RBFOX1: variants seen among roughly 807,000 people sequenced by gnomAD.
RBFOX1 encodes the protein RNA binding protein fox-1 homolog 1.
In RBFOX1, 8 loss-of-function variants were observed where a neutral mutation model predicts 57.7. The ratio of observed to expected loss-of-function variants is 0.14; its 90% CI spans 0.08 to 0.25. The LOEUF is 0.25. Ranked by LOEUF, RBFOX1 falls within the 10% of genes least tolerant of loss-of-function variation. The pLI, the probability that RBFOX1 is intolerant of heterozygous loss-of-function variation, is 1.00. For missense variants in RBFOX1, 611 were observed against 548.5 expected (o/e 1.11, Z -1.14); for synonymous variants, 326 against 222.4 (o/e 1.47, Z -4.15).
At chr16:5,845,486 G>C (rs1416600477) in intron 3 of RBFOX1, among the ~76,000 whole-genome samples, 1 of 152,192 alleles carries the variant, frequency 6.6e-6, no homozygotes, top group Admixed American at 6.5e-5. Context: ...CCAGCTGTTT[G>C]CTTCTGGAGA....
intron 2 of RBFOX1, among the ~76,000 whole-genome samples, chr16:5,562,095 C>G (rs2045909776): frequency 6.6e-6 from 1 of 152,136 alleles, no homozygotes; most frequent in South Asian, 2.1e-4. Context: ...CATTTTGTCT[C>G]TAGCTTAAAG....
chr16:7,139,307 C>T (rs1347173442), intron 4 of RBFOX1, among the ~76,000 whole-genome samples: 1 of 152,016 alleles, frequency 6.6e-6, no homozygotes, highest in African/African-American at 2.4e-5. Context: ...CCAACATAAT[C>T]ACTTCAACAA....
At chr16:5,897,397 C>T (rs953834034) in intron 4 of RBFOX1, among the ~76,000 whole-genome samples, 1 of 152,178 alleles carries the variant, frequency 6.6e-6, no homozygotes, top group African/African-American at 2.4e-5. Context: ...CATCTTTATC[C>T]ACCCTCCTTA....
chr16:6,223,677 C>T (rs1598514166), intron 1 of RBFOX1, among the ~76,000 whole-genome samples: 4 of 152,172 alleles, frequency 2.6e-5, no homozygotes, highest in African/African-American at 7.2e-5. Flanking sequence ...TGGTAGTTTC[C>T]TTTGCTATGC....
At position 7,646,677 on chromosome 16, in the gene RBFOX1, C is replaced by A. The variant is rs144749193; in HGVS notation, c.758-7138C>A. 2.4e-3 allele frequency among the ~76,000 whole-genome samples: 364 copies of A among 152,318 alleles called. 1 individual carries two copies. Among genetic ancestry groups the A allele is most frequent in the African/African-American group, 8.5e-3 (354 of 41,574 alleles). Reference sequence around the variant, plus strand: ...TTAAAGCGGTTGTATATTTTTATGGCTTTGGTGCAGAATCCGCCCCCCTGT... The same window carrying A: ...TTAAAGCGGTTGTATATTTTTATGGATTTGGTGCAGAATCCGCCCCCCTGT... On this transcript the variant is annotated intron_variant, in intron 11 of 15. Coordinates refer to ENST00000550418, the MANE Select transcript of RBFOX1 (RefSeq NM_018723.4).
At chr16:7,155,717 A>G (rs1426659581) in intron 4 of RBFOX1, among the ~76,000 whole-genome samples, 2 of 61,308 alleles carry the variant, frequency 3.3e-5, no homozygotes, top group Non-Finnish European at 6.0e-5. Flanking sequence ...AAAAAAATAT[A>G]TATATATATA....
intron 3 of RBFOX1, among the ~76,000 whole-genome samples, chr16:5,804,936 T>A (rs531036231): frequency 6.6e-6 from 1 of 152,354 alleles, no homozygotes; most frequent in South Asian, 2.1e-4. Flanking sequence ...AGCATTTCTC[T>A]GACAGGTTTT....
At chr16:5,976,523 A>C (rs772043493) in intron 4 of RBFOX1, among the ~76,000 whole-genome samples, 1 of 152,084 alleles carries the variant, frequency 6.6e-6, no homozygotes, top group Non-Finnish European at 1.5e-5. Context: ...TTCCCTTAGG[A>C]ATTCTAAGGT....
intron 5 of RBFOX1, among the ~76,000 whole-genome samples, chr16:7,575,130 C>G (rs540200275): frequency 6.6e-6 from 1 of 151,868 alleles, no homozygotes; most frequent in Non-Finnish European, 1.5e-5. Flanking sequence ...AGGATGGGCT[C>G]AACAATTAAT....
chr16:6,911,568 C>A (rs926605422), intron 3 of RBFOX1, among the ~76,000 whole-genome samples: 1 of 152,152 alleles, frequency 6.6e-6, no homozygotes, highest in Non-Finnish European at 1.5e-5. Context: ...AACTATGACC[C>A]ATAATGACTT....
At chr16:5,678,698 C>G (rs1402130888) in intron 3 of RBFOX1, among the ~76,000 whole-genome samples, 1 of 152,168 alleles carries the variant, frequency 6.6e-6, no homozygotes, top group Non-Finnish European at 1.5e-5. Context: ...TTCTCACTTC[C>G]CATTGTCTTT....
intron 3 of RBFOX1, among the ~76,000 whole-genome samples, chr16:6,999,853 C>T (rs893825384): frequency 2.0e-5 from 3 of 152,066 alleles, no homozygotes; most frequent in Admixed American, 2.0e-4. Context: ...GAGCGGATCA[C>T]TTGAGGTCAG....
intron 3 of RBFOX1, among the ~76,000 whole-genome samples, chr16:5,638,805 G>C (rs1250086932): frequency 6.6e-6 from 1 of 152,168 alleles, no homozygotes; most frequent in African/African-American, 2.4e-5. Flanking sequence ...GCAGCCTTAA[G>C]TTCTGGGCTG....
At chr16:6,988,810 T>G (rs1050866925) in intron 3 of RBFOX1, among the ~76,000 whole-genome samples, 36 of 150,684 alleles carry the variant, frequency 2.4e-4, no homozygotes, top group African/African-American at 8.3e-4. Flanking sequence ...TCTTGCTCAT[T>G]GCCCAGGCTG....
chr16:6,666,596 G>A (rs535740919), intron 3 of RBFOX1, among the ~76,000 whole-genome samples: 3 of 151,442 alleles, frequency 2.0e-5, no homozygotes, highest in Non-Finnish European at 4.4e-5. Context: ...TGGTAACTGT[G>A]GAGGTGGGAT....
chr16:5,937,153 T>G (rs1403347516), intron 4 of RBFOX1, among the ~76,000 whole-genome samples: 3 of 152,222 alleles, frequency 2.0e-5, no homozygotes, highest in Admixed American at 2.0e-4. Context: ...CTAATCCTGC[T>G]TTTTGCTGTG....
intron 1 of RBFOX1, among the ~76,000 whole-genome samples, chr16:6,258,575 G>A (rs1463753332): frequency 6.6e-6 from 1 of 152,140 alleles, no homozygotes; most frequent in Non-Finnish European, 1.5e-5. Context: ...CAACTCCAGG[G>A]CAGTGTCATA....
At position 6,041,529 on chromosome 16, in the gene RBFOX1, C is replaced by T. The variant is rs543623534; in HGVS notation, c.-127+21537C>T. ...GCCATGAGGTCACTCTCATATTTAT[C>T]ATCCACATTTTACGGATGAGGAAAC... On this transcript the variant is annotated intron_variant, in intron 1 of 15. Transcript: ENST00000550418. Among the ~76,000 whole-genome samples the T allele has an allele frequency of 3.0e-4, 46 of 152,232 alleles. No homozygotes were observed. In the South Asian group the frequency reaches 6.6e-3, roughly 22 times the overall value.
chr16:5,468,479 A>C lies in RBFOX1; in HGVS notation c.258+1225A>C, dbSNP rs185195785. ...CTTTTGTGTCTGGCTTCTTTTACCA[A>C]GAAAACAGTTTGGCAGTTCCTCCAA... On this transcript the variant is annotated intron_variant, in intron 2 of 2. Transcript: ENST00000585867. 1.7e-3 allele frequency among the ~76,000 whole-genome samples: 256 copies of C among 152,300 alleles called. 2 individuals carry two copies. The highest frequency in any genetic ancestry group is 5.9e-3 in the African/African-American group (246 of 41,572).
Sources: gnomAD v4.1 joint callset for allele counts (sites outside exome capture counted in the v4.1 genomes callset) on GRCh38, gnomAD v4.1.1 for gene constraint, MANE v1.5 for transcripts, NCBI Gene and HGNC (gene_info 2026-07-23, HGNC 2026-07-21) for gene names.